KCTD2: variants seen among roughly 807,000 people sequenced by gnomAD.
KCTD2 encodes BTB/POZ domain-containing protein KCTD2.
In KCTD2, 18 loss-of-function variants were observed where a neutral mutation model predicts 27.9. The ratio of observed to expected loss-of-function variants is 0.64; its 90% CI spans 0.45 to 0.96. The LOEUF (loss-of-function observed/expected upper bound fraction) is 0.96. Among genes scored for constraint, KCTD2 ranks in the 40% least tolerant of loss-of-function variants. The probability of loss-of-function intolerance (pLI) is 0.00; values close to 1 mark genes in which losing one functional copy is unlikely to be tolerated. For missense variants in KCTD2, 280 were observed against 348.0 expected (o/e 0.80, Z 1.56); for synonymous variants, 175 against 148.4 (o/e 1.18, Z -1.30).
chr17:75,064,615 G>C lies in KCTD2; in HGVS notation c.*1568G>C, dbSNP rs73367072. On this transcript the variant is annotated 3_prime_UTR_variant, in exon 6 of 6. Coordinates refer to ENST00000322444, the MANE Select transcript of KCTD2 (RefSeq NM_015353.3). Reference sequence around the variant, plus strand: ...GTCTCCTTGTTTCTCTGTATCTGTAGCATAGCATAGAACCCGGTATACAGG... The same window carrying C: ...GTCTCCTTGTTTCTCTGTATCTGTACCATAGCATAGAACCCGGTATACAGG... The C allele has an allele frequency of 0.045, 6,822 of 152,292 alleles. 244 individuals carry two copies. The highest frequency in any genetic ancestry group is 0.15 in the Middle Eastern group (45 of 294). 9.4% of individuals were successfully genotyped at this position (152,292 alleles called of 1,614,324 possible).
At chr17:75,035,480 G>A (rs1395630370) in intron 3 of KCTD2, 1 of 152,152 alleles carries the variant, frequency 6.6e-6, no homozygotes, top group East Asian at 1.9e-4. Flanking sequence ...ATGACACGGA[G>A]CGGGTTATGT....
At chr17:75,047,995 G>A (rs2073245623) in intron 1 of KCTD2, among the ~76,000 whole-genome samples, 1 of 152,136 alleles carries the variant, frequency 6.6e-6, no homozygotes, top group Admixed American at 6.5e-5. Flanking sequence ...GGTTAGCTCA[G>A]GCATCCTTGT....
intron 2 of KCTD2, among the ~76,000 whole-genome samples, chr17:75,052,665 G>T (rs564859013): frequency 6.6e-6 from 1 of 152,356 alleles, no homozygotes; most frequent in South Asian, 2.1e-4. Context: ...GGAGTTTGCA[G>T]TGAGCCAAGA....
chr17:75,043,692 T>C (rs1828807129), upstream of KCTD2, among the ~76,000 whole-genome samples: 1 of 152,050 alleles, frequency 6.6e-6, no homozygotes, highest in African/African-American at 2.4e-5. Flanking sequence ...ATAACACTCT[T>C]ATTGCATAAA....
intron 1 of KCTD2, among the ~76,000 whole-genome samples, chr17:75,033,767 G>T (rs1269443295): frequency 6.6e-6 from 1 of 152,222 alleles, no homozygotes; most frequent in East Asian, 1.9e-4. Context: ...TGCGCACCGC[G>T]GTATCTTCCC....
At chr17:75,033,460 C>T (rs1220897518) in intron 1 of KCTD2, among the ~76,000 whole-genome samples, 1 of 152,038 alleles carries the variant, frequency 6.6e-6, no homozygotes, top group Non-Finnish European at 1.5e-5. Flanking sequence ...TGTACATTCC[C>T]TCATGATAAG....
At chr17:75,043,820 T>G (rs936098327), upstream of KCTD2, among the ~76,000 whole-genome samples, 1 of 152,098 alleles carries the variant, frequency 6.6e-6, no homozygotes, top group Admixed American at 6.6e-5. Context: ...TAGGCTAAAA[T>G]TTACTTATGT....
In KCTD2 at chr17:75,048,072, C is replaced by T. The variant is rs980743184; in HGVS notation, c.339+483C>T. On this transcript the variant is annotated intron_variant, in intron 1 of 5. Transcript: ENST00000322444. ...GCTTCCACAGCTGCAGGAAGCGCTC[C>T]TTGTGATATCACACTGCTTTTCTAT... 2.3e-4 allele frequency among the ~76,000 whole-genome samples: 35 copies of T among 152,240 alleles called. 1 individual carries two copies. Among genetic ancestry groups the T allele is most frequent in the Admixed American group, 2.3e-3 (35 of 15,288 alleles).
intron 3 of KCTD2, among the ~76,000 whole-genome samples, chr17:75,055,053 T>C (rs2073335642): frequency 1.3e-5 from 2 of 151,976 alleles, no homozygotes; most frequent in African/African-American, 4.8e-5. Context: ...AGGAAAATTA[T>C]TCTTTTTTCT....
Position 75,059,510 on chromosome 17 carries a change from G to C in KCTD2, c.541G>C (p.Gly181Arg), listed in dbSNP as rs1382755106. 6.2e-7 allele frequency: 1 copy of C among 1,611,226 alleles called. No homozygotes were observed. Among genetic ancestry groups the C allele is most frequent in the Non-Finnish European group, 8.5e-7 (1 of 1,178,120 alleles). Residue 181 changes from glycine to arginine, a missense_variant and splice_region_variant, in exon 4 of 6, where the codon GGC becomes CGC. Physicochemically the swap from Gly to Arg is moderately radical, Grantham distance 125. Coordinates refer to ENST00000322444, the MANE Select transcript of KCTD2 (RefSeq NM_015353.3). ...IRDNENRTSQ[G>R]PVKHVYRVLQ... ...CTCAGTCTGCGCCTGGTCATTGCAG[G>C]GCCCCGTGAAGCACGTGTACAGAGT...
intron 3 of KCTD2, 101 bp downstream of exon 3, chr17:75,053,206 T>C (rs1286851936): frequency 3.4e-6 from 3 of 885,922 alleles, no homozygotes; most frequent in Non-Finnish European, 5.5e-6. Flanking sequence ...GCTGGAGGTG[T>C]GTGTGGAACA....
intron 1 of KCTD2, among the ~76,000 whole-genome samples, chr17:75,048,673 C>T (rs757378166): frequency 6.6e-6 from 1 of 152,184 alleles, no homozygotes; most frequent in Non-Finnish European, 1.5e-5. Context: ...CCTGGCAGTA[C>T]CGAGCTTCCT....
intron 2 of KCTD2, among the ~76,000 whole-genome samples, chr17:75,049,870 G>T (rs977855273): frequency 2.6e-5 from 4 of 152,160 alleles, no homozygotes; most frequent in African/African-American, 7.2e-5. Context: ...TAGGGCATTG[G>T]GACTATAAGT....
intron 3 of KCTD2, among the ~76,000 whole-genome samples, chr17:75,036,854 A>T (rs2073106573): frequency 6.6e-6 from 1 of 152,010 alleles, no homozygotes; most frequent in African/African-American, 2.4e-5. Context: ...ACCGCTCCTC[A>T]TCTCTGCCCA....
At chr17:75,044,589 A>C (rs7217434), upstream of KCTD2, among the ~76,000 whole-genome samples, 1 of 150,980 alleles carries the variant, frequency 6.6e-6, no homozygotes, top group African/African-American at 2.4e-5. Flanking sequence ...TGATCCACCC[A>C]CCTCAGCCTT....
At chr17:75,055,961 G>T (rs1057285732) in intron 3 of KCTD2, among the ~76,000 whole-genome samples, 1 of 152,086 alleles carries the variant, frequency 6.6e-6, no homozygotes, top group Non-Finnish European at 1.5e-5. Context: ...AACTAAGATA[G>T]CAGAGGTTGC....
At chr17:75,045,233 C>T (rs901049574), upstream of KCTD2, among the ~76,000 whole-genome samples, 2 of 152,164 alleles carry the variant, frequency 1.3e-5, no homozygotes, top group Admixed American at 6.5e-5. Context: ...ACATCAAGTA[C>T]TTAACAGGGT....
chr17:75,044,071 C>G (rs12939787), upstream of KCTD2, among the ~76,000 whole-genome samples: 12,211 of 148,356 alleles, frequency 0.082, 806 homozygotes, highest in African/African-American at 0.19. Context: ...GTCCCCCGGG[C>G]TGGAGTGCAG....
At chr17:75,041,877 C>A (rs2073165054) in intron 3 of KCTD2, 1 of 249,070 alleles carries the variant, frequency 4.0e-6, no homozygotes, top group Non-Finnish European at 7.7e-6. Context: ...GAGCGGGGGA[C>A]CACCAGGTTG....
Sources: gnomAD v4.1 joint callset for allele counts (sites outside exome capture counted in the v4.1 genomes callset) on GRCh38, gnomAD v4.1.1 for gene constraint, MANE v1.5 for transcripts, NCBI Gene and HGNC (gene_info 2026-07-23, HGNC 2026-07-21) for gene names.